The following CDH10 variants were observed in gnomAD, a reference collection of about 807,000 sequenced individuals.
CDH10 encodes the protein cadherin-10.
CDH10 carries 30 observed loss-of-function variants against 73.1 expected under a neutral mutation model. The ratio of observed to expected loss-of-function variants is 0.41; its 90% CI spans 0.31 to 0.56. The LOEUF (loss-of-function observed/expected upper bound fraction) is 0.56, where lower values mean the gene tolerates loss of function less well. Among genes scored for constraint, CDH10 ranks in the 20% least tolerant of loss-of-function variants. The pLI, the probability that CDH10 is intolerant of heterozygous loss-of-function variation, is 0.27. For synonymous variants in CDH10, 345 were observed against 348.2 expected (o/e 0.99, Z 0.10); for missense variants, 815 against 973.7 (o/e 0.84, Z 2.17).
intron 1 of CDH10, among the ~76,000 whole-genome samples, chr5:24,634,154 G>T (rs922447825): frequency 2.8e-4 from 42 of 151,774 alleles, no homozygotes; most frequent in African/African-American, 9.9e-4. Context: ...ATTTTGAAAA[G>T]AAATGATTAT....
At chr5:24,568,389 A>C (rs1399336149) in intron 2 of CDH10, among the ~76,000 whole-genome samples, 1 of 152,192 alleles carries the variant, frequency 6.6e-6, no homozygotes, top group Non-Finnish European at 1.5e-5. Context: ...TAAGTACATA[A>C]AAAGATACTC....
At position 24,598,302 on chromosome 5, in the gene CDH10, T is replaced by C. The variant is rs115092498; in HGVS notation, c.-123-4689A>G. 7.2e-3 allele frequency among the ~76,000 whole-genome samples: 1,100 copies of C among 152,062 alleles called. 17 individuals carry two copies. The highest frequency in any genetic ancestry group is 0.025 in the African/African-American group (1,047 of 41,528). On this transcript the variant is annotated intron_variant, in intron 1 of 11. Coordinates refer to ENST00000264463, the MANE Select transcript of CDH10 (RefSeq NM_006727.5). The stretch of plus-strand genomic sequence containing the variant: ...GTTCATTACACATTACCTACTGTGC[T>C]CTATTGTCATAGAAAATGTATAATT...
chr5:24,553,510 G>T (rs1420591379), intron 2 of CDH10, among the ~76,000 whole-genome samples: 1 of 151,832 alleles, frequency 6.6e-6, no homozygotes, highest in Non-Finnish European at 1.5e-5. Context: ...TTGTCTTCTT[G>T]CTTTACTTCG....
chr5:24,571,621 T>C (rs1255469641), intron 2 of CDH10, among the ~76,000 whole-genome samples: 2 of 152,144 alleles, frequency 1.3e-5, no homozygotes, highest in Non-Finnish European at 2.9e-5. Context: ...GGAGATTTAC[T>C]AAGCATTTAT....
chr5:24,507,354 A>G (rs1742734220), intron 7 of CDH10, among the ~76,000 whole-genome samples: 2 of 151,256 alleles, frequency 1.3e-5, no homozygotes, highest in Non-Finnish European at 3.0e-5. Context: ...TAATATGTAT[A>G]ATATTATACC....
chr5:24,620,759 GT>G (rs1396069666), intron 1 of CDH10, among the ~76,000 whole-genome samples: 7 of 152,000 alleles, frequency 4.6e-5, no homozygotes, highest in African/African-American at 1.7e-4. Flanking sequence ...CATTGCCCCT[GT>G]TTTGTTAAGC....
At chr5:24,631,293 G>A (rs1747697813) in intron 1 of CDH10, among the ~76,000 whole-genome samples, 1 of 151,984 alleles carries the variant, frequency 6.6e-6, no homozygotes, top group Admixed American at 6.6e-5. Context: ...TCTGACCTCT[G>A]GAAAACACCA....
chr5:24,604,046 A>T (rs955025522), intron 1 of CDH10, among the ~76,000 whole-genome samples: 5 of 152,322 alleles, frequency 3.3e-5, no homozygotes, highest in African/African-American at 1.2e-4. Flanking sequence ...TTCTAGATTG[A>T]AATAAAAATA....
In CDH10 at chr5:24,496,897, G is replaced by A. The variant is rs190073545; in HGVS notation, c.1515+1501C>T. On this transcript the variant is annotated intron_variant, in intron 9 of 11. Coordinates refer to ENST00000264463, the MANE Select transcript of CDH10 (RefSeq NM_006727.5). ...GAGGCATTTTTCAGCCTATGAGACC[G>A]AAGTGACATCTAACAAACTGGTCTT... 1.4e-4 allele frequency among the ~76,000 whole-genome samples: 22 copies of A among 152,234 alleles called. 1 individual carries two copies. Among genetic ancestry groups the A allele is most frequent in the Admixed American group, 1.1e-3 (17 of 15,298 alleles).
At chr5:24,606,104 G>C (rs1010904788) in intron 1 of CDH10, among the ~76,000 whole-genome samples, 8 of 152,190 alleles carry the variant, frequency 5.3e-5, no homozygotes, top group African/African-American at 1.9e-4. Flanking sequence ...TGGGGAGATG[G>C]AAATGTTCTC....
chr5:24,555,868 A>G (rs1315326939), intron 2 of CDH10, among the ~76,000 whole-genome samples: 1 of 47,374 alleles, frequency 2.1e-5, no homozygotes, highest in Non-Finnish European at 4.6e-5. Flanking sequence ...TCTAATACAA[A>G]CAGCACATGA....
intron 5 of CDH10, among the ~76,000 whole-genome samples, chr5:24,528,616 G>GA (rs1249642983): frequency 6.6e-6 from 1 of 151,964 alleles, no homozygotes; most frequent in African/African-American, 2.4e-5. Context: ...GGTCAGTCGT[G>GA]TTTGGTCCTT....
rs148739373 is a variant in CDH10, at chr5:24,535,467, T to G, written c.647-188A>C. On this transcript the variant is annotated intron_variant, in intron 4 of 11. Coordinates refer to ENST00000264463, the MANE Select transcript of CDH10 (RefSeq NM_006727.5). ...TCATTTGTATTGTGTTACCCTTTCC[T>G]AGCAATACCACATGTGCTTTGAGTG... Among the ~76,000 whole-genome samples, 7 of 152,256 alleles carry G rather than the reference T, an allele frequency of 4.6e-5. No individual in the cohort carries two copies. The East Asian group carries it at 1.4e-3, about 29-fold the overall frequency.
At chr5:24,626,854 GTA>G (rs757099440) in intron 1 of CDH10, among the ~76,000 whole-genome samples, 7 of 134,946 alleles carry the variant, frequency 5.2e-5, no homozygotes, top group South Asian at 2.6e-4. Flanking sequence ...ATATATAAGT[GTA>G]TATATATGTG....
At chr5:24,552,771 C>T (rs1459108293) in intron 2 of CDH10, among the ~76,000 whole-genome samples, 1 of 151,842 alleles carries the variant, frequency 6.6e-6, no homozygotes. Flanking sequence ...TTTTTCTGTG[C>T]TCCCTTTTAT....
At chr5:24,642,071 A>C (rs1449343716) in intron 1 of CDH10, among the ~76,000 whole-genome samples, 2 of 152,116 alleles carry the variant, frequency 1.3e-5, no homozygotes, top group Non-Finnish European at 2.9e-5. Flanking sequence ...CCCAAGGGCT[A>C]CACTAGAGAT....
intron 1 of CDH10, among the ~76,000 whole-genome samples, chr5:24,625,975 C>G (rs1747482502): frequency 6.6e-6 from 1 of 151,942 alleles, no homozygotes; most frequent in Non-Finnish European, 1.5e-5. Context: ...ATGATTCCTA[C>G]TGCTACATTA....
intron 5 of CDH10, among the ~76,000 whole-genome samples, chr5:24,517,178 C>A (rs903230281): frequency 1.3e-5 from 2 of 152,166 alleles, no homozygotes; most frequent in Admixed American, 6.5e-5. Context: ...CATAGCAACA[C>A]TATAACATTT....
intron 1 of CDH10, among the ~76,000 whole-genome samples, chr5:24,620,681 C>T (rs1458335744): frequency 6.6e-6 from 1 of 152,076 alleles, no homozygotes. Context: ...GGGAAATCAA[C>T]TTTGAATATG....
Sources: allele counts gnomAD v4.1 joint callset (sites outside exome capture counted in the v4.1 genomes callset), GRCh38; gene constraint gnomAD v4.1.1; transcripts MANE v1.5; gene names NCBI Gene and HGNC (gene_info 2026-07-23, HGNC 2026-07-21).